Variants in ESR1 observed in about 807,000 individuals in gnomAD.
The protein encoded by ESR1 is estrogen receptor.
In ESR1, 12 loss-of-function variants were observed where a neutral mutation model predicts 52.7. The ratio of observed to expected loss-of-function variants is 0.23; its 90% confidence interval spans 0.15 to 0.37. The LOEUF (loss-of-function observed/expected upper bound fraction) is 0.37. Ranked by LOEUF, ESR1 falls within the 10% of genes least tolerant of loss-of-function variation. ESR1 has a pLI of 1.00. For synonymous variants in ESR1, 305 were observed against 316.8 expected (o/e 0.96, Z 0.39); for missense variants, 584 against 779.7 (o/e 0.75, Z 2.99).
At chr6:151,740,961 A>G (rs1456064914) in intron 2 of ESR1, among the ~76,000 whole-genome samples, 2 of 152,088 alleles carry the variant, frequency 1.3e-5, no homozygotes, top group Non-Finnish European at 2.9e-5. Context: ...GGCACTTGTG[A>G]TGTCCCACTG....
At chr6:151,978,166 A>T (rs1404107699) in intron 4 of ESR1, among the ~76,000 whole-genome samples, 1 of 152,152 alleles carries the variant, frequency 6.6e-6, no homozygotes, top group Non-Finnish European at 1.5e-5. Context: ...AAATTGACCA[A>T]GCAGATATGA....
chr6:151,926,799 A>G (rs946257555), intron 3 of ESR1, among the ~76,000 whole-genome samples: 2 of 152,134 alleles, frequency 1.3e-5, no homozygotes, highest in African/African-American at 4.8e-5. Flanking sequence ...TCTGTGAATA[A>G]AGATGTTTTA....
At chr6:151,692,501 A>G (rs1309814581) in intron 1 of ESR1, among the ~76,000 whole-genome samples, 1 of 152,166 alleles carries the variant, frequency 6.6e-6, no homozygotes, top group Non-Finnish European at 1.5e-5. Flanking sequence ...AGCTCTGGGT[A>G]GACCATCCAC....
At chr6:151,901,443 A>C (rs1167722038) in intron 3 of ESR1, among the ~76,000 whole-genome samples, 2 of 152,036 alleles carry the variant, frequency 1.3e-5, no homozygotes, top group African/African-American at 4.8e-5. Flanking sequence ...CCCTCCCCCA[A>C]GTTCTGGCCA....
chr6:152,011,891 A>T (rs2042791670), intron 5 of ESR1, 97 bp downstream of exon 5: 14 of 1,362,244 alleles, frequency 1.0e-5, no homozygotes, highest in Admixed American at 1.8e-5. Context: ...AGCTTCAGAG[A>T]ACTTTATTAG....
chr6:151,889,505 T>C (rs1794386487), intron 3 of ESR1, among the ~76,000 whole-genome samples: 1 of 152,166 alleles, frequency 6.6e-6, no homozygotes, highest in Non-Finnish European at 1.5e-5. Flanking sequence ...AGTTGTAATG[T>C]CTCCTCTTTT....
At chr6:151,672,664 G>C in intron 1 of ESR1, among the ~76,000 whole-genome samples, 1 of 151,426 alleles carries the variant, frequency 6.6e-6, no homozygotes, top group South Asian at 2.1e-4. Context: ...ATAGAGACGA[G>C]GTTTCACCAT....
chr6:151,760,618 G>A (rs964611565), intron 2 of ESR1, among the ~76,000 whole-genome samples: 11 of 152,064 alleles, frequency 7.2e-5, no homozygotes, highest in Admixed American at 5.9e-4. Flanking sequence ...GCTTATTTGC[G>A]CTCCCCAGCC....
intron 2 of ESR1, among the ~76,000 whole-genome samples, chr6:151,793,791 G>T (rs17081683): frequency 2.6e-5 from 4 of 152,098 alleles, no homozygotes; most frequent in Non-Finnish European, 4.4e-5. Context: ...AAGTGACCTC[G>T]AAGTCTAGTA....
chr6:151,912,676 A>G (rs1445782082), intron 3 of ESR1, among the ~76,000 whole-genome samples: 1 of 152,214 alleles, frequency 6.6e-6, no homozygotes, highest in Non-Finnish European at 1.5e-5. Flanking sequence ...ATCAGGAACA[A>G]TAAGAGCGGG....
chr6:151,792,523 T>C (rs1776268443), intron 2 of ESR1, among the ~76,000 whole-genome samples: 1 of 152,200 alleles, frequency 6.6e-6, no homozygotes, highest in African/African-American at 2.4e-5. Flanking sequence ...CACTACAACA[T>C]TGAACTCCTA....
intron 2 of ESR1, among the ~76,000 whole-genome samples, chr6:151,731,853 C>T (rs1369825582): frequency 1.3e-5 from 2 of 152,156 alleles, no homozygotes; most frequent in Non-Finnish European, 2.9e-5. Context: ...TGATAGACTG[C>T]AGCAGATTTC....
chr6:152,087,054 G>A (rs2049781470), intron 6 of ESR1, among the ~76,000 whole-genome samples: 1 of 152,174 alleles, frequency 6.6e-6, no homozygotes, highest in Non-Finnish European at 1.5e-5. Context: ...GTAATGTTGA[G>A]GGTTTTAATG....
At chr6:151,736,097 T>G (rs1294885485) in intron 2 of ESR1, among the ~76,000 whole-genome samples, 1 of 152,238 alleles carries the variant, frequency 6.6e-6, no homozygotes, top group Non-Finnish European at 1.5e-5. Context: ...TATTTCTTTA[T>G]AGCAGTGTGA....
At chr6:151,908,989 C>G (rs1244285434) in intron 3 of ESR1, among the ~76,000 whole-genome samples, 1 of 151,986 alleles carries the variant, frequency 6.6e-6, no homozygotes, top group African/African-American at 2.4e-5. Context: ...ACATTCACTA[C>G]AAGTACATAC....
chr6:151,965,643 TTATAATATACCTA>T (rs1292244539), intron 4 of ESR1, among the ~76,000 whole-genome samples: 1 of 152,068 alleles, frequency 6.6e-6, no homozygotes, highest in Admixed American at 6.6e-5. Context: ...ATACCTATAT[TTATAATATACCTA>T]TATAATATAC....
chr6:151,697,799 T>C (rs1779470567), intron 1 of ESR1, among the ~76,000 whole-genome samples: 1 of 152,176 alleles, frequency 6.6e-6, no homozygotes, highest in South Asian at 2.1e-4. Flanking sequence ...CAAACTTCTC[T>C]TAGAATAGTG....
intron 4 of ESR1, among the ~76,000 whole-genome samples, chr6:151,963,067 A>T (rs1256770865): frequency 1.3e-5 from 2 of 151,952 alleles, no homozygotes; most frequent in African/African-American, 4.8e-5. Context: ...TTCTCTCTAG[A>T]CTTCCTCCAT....
At chr6:152,111,028 C>T (rs548097025) in intron 6 of ESR1, among the ~76,000 whole-genome samples, 6 of 152,146 alleles carry the variant, frequency 3.9e-5, no homozygotes, top group Non-Finnish European at 5.9e-5. Context: ...TATTTCTAGC[C>T]GATGACCTGA....
Sources: gnomAD v4.1 joint callset for allele counts (sites outside exome capture counted in the v4.1 genomes callset) on GRCh38, gnomAD v4.1.1 for gene constraint, MANE v1.5 for transcripts, NCBI Gene and HGNC (gene_info 2026-07-23, HGNC 2026-07-21) for gene names.